TENM3: variants seen among roughly 807,000 people sequenced by gnomAD.
TENM3 encodes teneurin transmembrane protein 3, also known as teneurin-3.
In TENM3, 63 loss-of-function variants were observed where a neutral mutation model predicts 255.1. That is an observed-to-expected ratio of 0.25 (90% CI 0.20 to 0.30). TENM3 has a LOEUF of 0.30. Among genes scored for constraint, TENM3 ranks in the 10% least tolerant of loss-of-function variants. The probability of loss-of-function intolerance (pLI) is 1.00; values close to 1 mark genes in which losing one functional copy is unlikely to be tolerated. For missense variants in TENM3, 2,929 were observed against 3,461.1 expected, an observed-to-expected ratio of 0.85 and a Z score of 3.86; for synonymous variants, 1,306 against 1,322.3, an observed-to-expected ratio of 0.99 and a Z score of 0.27.
At chr4:182,658,443 A>T (rs1283521508) in intron 6 of TENM3, among the ~76,000 whole-genome samples, 1 of 152,180 alleles carries the variant, frequency 6.6e-6, no homozygotes, top group Non-Finnish European at 1.5e-5. Flanking sequence ...CAAATCAGTA[A>T]GTCCAGCCTA....
At chr4:181,966,282 G>C in the TENM3 span, among the ~76,000 whole-genome samples, 1 of 152,132 alleles carries the variant, frequency 6.6e-6, no homozygotes, top group Non-Finnish European at 1.5e-5. Context: ...ATTCAGTTTG[G>C]GGTGGTGGGG....
the TENM3 span, among the ~76,000 whole-genome samples, chr4:181,961,613 C>T: frequency 2.6e-5 from 4 of 152,032 alleles, no homozygotes; most frequent in Non-Finnish European, 4.4e-5. Context: ...TAGAGACGGG[C>T]TTTCACCGTG....
chr4:182,416,891 T>A (rs1256272402), intron 3 of TENM3, among the ~76,000 whole-genome samples: 1 of 152,150 alleles, frequency 6.6e-6, no homozygotes, highest in Non-Finnish European at 1.5e-5. Context: ...TCACACTGGG[T>A]TTTGATGTTT....
At chr4:182,364,701 G>C (rs1303520967) in intron 3 of TENM3, among the ~76,000 whole-genome samples, 2 of 152,210 alleles carry the variant, frequency 1.3e-5, no homozygotes, top group Non-Finnish European at 2.9e-5. Flanking sequence ...TTACAGGCGT[G>C]AGCCACCGCG....
rs2152727245 is a variant in TENM3, at chr4:182,738,599, A to G, written c.3379+55A>G. 5 of 1,438,292 alleles carry G rather than the reference A, an allele frequency of 3.5e-6. No homozygotes were observed. The East Asian group carries it at 7.5e-5, about 22-fold the overall frequency. The allele number at this position is 1,438,292 out of a possible 1,614,324, so 89.1% of individuals were successfully genotyped here. On this transcript the variant is annotated intron_variant, in intron 18 of 27. Transcript: ENST00000511685. The stretch of plus-strand genomic sequence containing the variant: ...TGTAATGTATTGTTCAGAGATAGCT[A>G]ATGTTGCCCACTTTCCAACTCATGA...
chr4:181,992,550 T>C, the TENM3 span, among the ~76,000 whole-genome samples: 1 of 152,176 alleles, frequency 6.6e-6, no homozygotes, highest in Non-Finnish European at 1.5e-5. Flanking sequence ...TTTTATGATA[T>C]TTATTATTTA....
At chr4:181,894,369 A>G in the TENM3 span, among the ~76,000 whole-genome samples, 39 of 152,272 alleles carry the variant, frequency 2.6e-4, no homozygotes, top group African/African-American at 9.4e-4. Flanking sequence ...GTGGAGACCT[A>G]CCTGTACTGC....
At chr4:182,099,723 A>C in the TENM3 span, among the ~76,000 whole-genome samples, 1 of 152,186 alleles carries the variant, frequency 6.6e-6, no homozygotes. Context: ...TTTACTATTA[A>C]TATCTATCTT....
At chr4:182,198,418 T>A (rs1753964176) in intron 1 of TENM3, among the ~76,000 whole-genome samples, 1 of 152,164 alleles carries the variant, frequency 6.6e-6, no homozygotes, top group Admixed American at 6.5e-5. Context: ...CTCAAGGCGG[T>A]GAGAAAGAGG....
intron 1 of TENM3, among the ~76,000 whole-genome samples, chr4:182,296,144 G>T (rs1761477005): frequency 6.6e-6 from 1 of 151,994 alleles, no homozygotes. Flanking sequence ...TGTATGTTTA[G>T]TAGAGACAGG....
intron 3 of TENM3, among the ~76,000 whole-genome samples, chr4:182,503,629 A>G (rs1043023519): frequency 1.3e-5 from 2 of 152,028 alleles, no homozygotes; most frequent in Non-Finnish European, 1.5e-5. Flanking sequence ...GATCCAGGTA[A>G]TTTTTCTGGA....
At chr4:181,734,400 G>A in the TENM3 span, among the ~76,000 whole-genome samples, 1 of 151,944 alleles carries the variant, frequency 6.6e-6, no homozygotes, top group Non-Finnish European at 1.5e-5. Context: ...GTGTGTGAAT[G>A]AATCAATCAA....
the TENM3 span, among the ~76,000 whole-genome samples, chr4:181,923,775 CA>C: frequency 1.3e-5 from 2 of 152,230 alleles, no homozygotes; most frequent in Non-Finnish European, 2.9e-5. Context: ...GGAAGTAGAT[CA>C]AAAGATACCG....
the TENM3 span, among the ~76,000 whole-genome samples, chr4:181,594,182 C>G: frequency 6.6e-6 from 1 of 152,052 alleles, no homozygotes; most frequent in African/African-American, 2.4e-5. Flanking sequence ...ATGCTTTTTA[C>G]AAATGATGAA....
chr4:182,279,598 T>C (rs1760239780), intron 1 of TENM3, among the ~76,000 whole-genome samples: 1 of 152,118 alleles, frequency 6.6e-6, no homozygotes, highest in Admixed American at 6.6e-5. Context: ...TAAAAGAAAG[T>C]GGGAGCAGGA....
chr4:182,468,249 A>C (rs951571392), intron 3 of TENM3, among the ~76,000 whole-genome samples: 7 of 152,192 alleles, frequency 4.6e-5, no homozygotes, highest in African/African-American at 1.7e-4. Context: ...TTAAAAAGGC[A>C]TTACATAACA....
the TENM3 span, among the ~76,000 whole-genome samples, chr4:182,033,608 A>G: frequency 3.3e-5 from 5 of 152,238 alleles, no homozygotes; most frequent in Non-Finnish European, 5.9e-5. Context: ...TTCTGTCTCA[A>G]TGATCTGTGT....
At chr4:182,499,843 A>G (rs543273339) in intron 3 of TENM3, among the ~76,000 whole-genome samples, 30 of 152,172 alleles carry the variant, frequency 2.0e-4, no homozygotes, top group East Asian at 1.9e-3. Context: ...CCCAAAATCT[A>G]TTTTTTCTTT....
the TENM3 span, among the ~76,000 whole-genome samples, chr4:181,540,702 A>G: frequency 6.6e-6 from 1 of 152,124 alleles, no homozygotes; most frequent in Admixed American, 6.6e-5. Flanking sequence ...ATTCTACAAC[A>G]TATCTGACCA....
Sources: allele counts gnomAD v4.1 joint callset (sites outside exome capture counted in the v4.1 genomes callset), GRCh38; gene constraint gnomAD v4.1.1; transcripts MANE v1.5; gene names NCBI Gene and HGNC (gene_info 2026-07-23, HGNC 2026-07-21).